Variants in STXBP3 observed in about 807,000 individuals in gnomAD.
The protein encoded by STXBP3 is syntaxin-binding protein 3.
STXBP3 carries 41 observed loss-of-function variants against 85.7 expected under a neutral mutation model. The ratio of observed to expected loss-of-function variants is 0.48; its 90% confidence interval spans 0.37 to 0.62. The LOEUF (loss-of-function observed/expected upper bound fraction) is 0.62, where lower values mean the gene tolerates loss of function less well. Among genes scored for constraint, STXBP3 ranks in the 20% least tolerant of loss-of-function variants. The probability of loss-of-function intolerance (pLI) is 0.00; values close to 1 mark genes in which losing one functional copy is unlikely to be tolerated. For missense variants in STXBP3, 563 were observed against 703.1 expected, an observed-to-expected ratio of 0.80 and a Z score of 2.25; for synonymous variants, 229 against 231.7, an observed-to-expected ratio of 0.99 and a Z score of 0.10.
At chr1:108,753,345 A>C in intron 3 of STXBP3, 1 of 361,454 alleles carries the variant, frequency 2.8e-6, no homozygotes, top group Non-Finnish European at 5.0e-6. Flanking sequence ...AAGACCTCTA[A>C]CCAAGCCTAA....
At chr1:108,769,184 T>G (rs1257153754) in intron 6 of STXBP3, among the ~76,000 whole-genome samples, 1 of 152,160 alleles carries the variant, frequency 6.6e-6, no homozygotes, top group Non-Finnish European at 1.5e-5. Flanking sequence ...GAAAATATAC[T>G]TACTATTAAA....
At chr1:108,774,366 G>A (rs1427368087) in intron 7 of STXBP3, among the ~76,000 whole-genome samples, 6 of 152,120 alleles carry the variant, frequency 3.9e-5, no homozygotes, top group South Asian at 2.1e-4. Context: ...TGCACTACTC[G>A]TAATAAGTAT....
At chr1:108,771,067 A>G (rs1331653555) in intron 6 of STXBP3, among the ~76,000 whole-genome samples, 1 of 151,908 alleles carries the variant, frequency 6.6e-6, no homozygotes, top group African/African-American at 2.4e-5. Flanking sequence ...CGATTTTGGT[A>G]ATGTTGTGTT....
chr1:108,806,502 T>C (rs1663333368), intron 17 of STXBP3, among the ~76,000 whole-genome samples: 2 of 152,144 alleles, frequency 1.3e-5, no homozygotes, highest in South Asian at 2.1e-4. Context: ...GTTCTGTACA[T>C]TGTTTCATTT....
chr1:108,804,881 A>G (rs140437560), intron 17 of STXBP3, among the ~76,000 whole-genome samples: 65 of 152,364 alleles, frequency 4.3e-4, no homozygotes, highest in African/African-American at 1.5e-3. Context: ...TGCTAACATC[A>G]GAAAATACTC....
intron 6 of STXBP3, among the ~76,000 whole-genome samples, chr1:108,770,882 C>T (rs3006874): frequency 0.71 from 108,308 of 151,966 alleles, 39,559 homozygotes; most frequent in Non-Finnish European, 0.78. Flanking sequence ...TACATACGTA[C>T]AGTAAGATTT....
At chr1:108,759,195 T>G (rs1293825330) in intron 5 of STXBP3, 1 of 152,214 alleles carries the variant, frequency 6.6e-6, no homozygotes, top group Non-Finnish European at 1.5e-5. Flanking sequence ...TAAGTCTTGG[T>G]CTCTGCTGTT....
chr1:108,767,915 G>T (rs1266600411), intron 6 of STXBP3, among the ~76,000 whole-genome samples: 1 of 152,022 alleles, frequency 6.6e-6, no homozygotes, highest in Non-Finnish European at 1.5e-5. Flanking sequence ...ATCATTTGAG[G>T]ATATACAAAA....
chr1:108,794,665 CCTT>C (rs1367502091), intron 12 of STXBP3, among the ~76,000 whole-genome samples, 159 bp from the exon 13 acceptor site: 13 of 152,190 alleles, frequency 8.5e-5, no homozygotes, highest in African/African-American at 3.1e-4. Flanking sequence ...CTGTAAATCA[CCTT>C]CTCATTTACT....
At chr1:108,796,121 CCAAA>C in intron 13 of STXBP3, 109 bp from the exon 14 acceptor site, 1 of 1,165,006 alleles carries the variant, frequency 8.6e-7, no homozygotes, top group Non-Finnish European at 1.2e-6. Context: ...CCTTGGCCTC[CCAAA>C]GTGCTGGGAT....
At chr1:108,763,260 AC>A (rs1361545594) in intron 6 of STXBP3, among the ~76,000 whole-genome samples, 6 of 152,308 alleles carry the variant, frequency 3.9e-5, no homozygotes, top group African/African-American at 1.4e-4. Context: ...TAAAAGAAAA[AC>A]CTACCAAAAA....
intron 6 of STXBP3, among the ~76,000 whole-genome samples, chr1:108,760,892 G>A (rs1662124945): frequency 6.6e-6 from 1 of 151,774 alleles, no homozygotes; most frequent in African/African-American, 2.4e-5. Context: ...ATACTGCTGG[G>A]TTTTTTGTTT....
At chr1:108,770,414 C>T (rs1230645879) in intron 6 of STXBP3, among the ~76,000 whole-genome samples, 3 of 152,156 alleles carry the variant, frequency 2.0e-5, no homozygotes, top group Non-Finnish European at 4.4e-5. Context: ...AATGTTATCT[C>T]CTGCTGTGGG....
In STXBP3 at chr1:108,777,514, G is replaced by A. The variant is rs544565582; in HGVS notation, c.684+1091G>A. On this transcript the variant is annotated intron_variant, in intron 8 of 18. Coordinates refer to ENST00000370008, the MANE Select transcript of STXBP3 (RefSeq NM_007269.4). ...TTGGTTTAGAGGCCTGGTGAAGGCT[G>A]TTATTCTGGTTGTAGTTTTGAAGAC... Among the ~76,000 whole-genome samples, 17 of 152,242 alleles carry A rather than the reference G, an allele frequency of 1.1e-4. No individual in the cohort carries two copies. In the East Asian group the frequency reaches 3.1e-3, roughly 28 times the overall value.
intron 6 of STXBP3, among the ~76,000 whole-genome samples, 166 bp from the exon 7 acceptor site, chr1:108,772,499 A>T (rs1217410527): frequency 6.8e-6 from 1 of 146,758 alleles, no homozygotes; most frequent in Non-Finnish European, 1.5e-5. Flanking sequence ...CATGATATCT[A>T]TCTATATATA....
At chr1:108,782,571 G>A in intron 10 of STXBP3, 54 bp downstream of exon 10, 1 of 1,598,104 alleles carries the variant, frequency 6.3e-7, no homozygotes, top group Non-Finnish European at 8.5e-7. Context: ...CTATGTGATA[G>A]TACATTTTGT....
chr1:108,794,519 A>C (rs1364373805), intron 12 of STXBP3, among the ~76,000 whole-genome samples: 1 of 152,196 alleles, frequency 6.6e-6, no homozygotes, highest in Non-Finnish European at 1.5e-5. Flanking sequence ...ACTTACTATT[A>C]TGAGAACAGC....
At chr1:108,783,725 T>C (rs1267166696) in intron 11 of STXBP3, among the ~76,000 whole-genome samples, 6 of 152,220 alleles carry the variant, frequency 3.9e-5, no homozygotes, top group Non-Finnish European at 7.3e-5. Flanking sequence ...TTAGCTTTAA[T>C]AGGTAATGCC....
intron 1 of STXBP3, among the ~76,000 whole-genome samples, chr1:108,750,444 C>T (rs531544011): frequency 6.6e-6 from 1 of 152,276 alleles, no homozygotes; most frequent in South Asian, 2.1e-4. Flanking sequence ...ATTGATATTT[C>T]ATAACACTTC....
Sources: allele counts gnomAD v4.1 joint callset (sites outside exome capture counted in the v4.1 genomes callset), GRCh38; gene constraint gnomAD v4.1.1; transcripts MANE v1.5; gene names NCBI Gene and HGNC (gene_info 2026-07-23, HGNC 2026-07-21).